EHMT1: variants seen among roughly 807,000 people sequenced by gnomAD.
The protein encoded by EHMT1 is histone-lysine N-methyltransferase EHMT1.
A neutral mutation model predicts 147.2 loss-of-function variants in EHMT1; 15 were observed. That is an observed-to-expected ratio of 0.10 (90% CI 0.07 to 0.16). EHMT1 has a LOEUF of 0.16. Ranked by LOEUF, EHMT1 falls within the 10% of genes least tolerant of loss-of-function variation. The probability of loss-of-function intolerance (pLI) is 1.00; values close to 1 mark genes in which losing one functional copy is unlikely to be tolerated. For synonymous variants in EHMT1, 795 were observed against 709.6 expected (o/e 1.12, Z -1.91); for missense variants, 1,587 against 1,772.4 (o/e 0.90, Z 1.88).
At chr9:137,774,790 G>A (rs1214572178) in intron 10 of EHMT1, among the ~76,000 whole-genome samples, 2 of 147,530 alleles carry the variant, frequency 1.4e-5, no homozygotes, top group Admixed American at 1.3e-4. Flanking sequence ...TCTGGTGGGT[G>A]TGGGCACGCC....
At chr9:137,762,885 G>C in intron 10 of EHMT1, 65 bp downstream of exon 10, 2 of 1,606,812 alleles carry the variant, frequency 1.2e-6, no homozygotes, top group Non-Finnish European at 1.7e-6. Flanking sequence ...AGCCCAGCAG[G>C]GGCCCCGACA....
In EHMT1 at chr9:137,762,924, C is replaced by G; in HGVS notation, c.1647+104C>G. ...CCTCGAGTGAGTTGTGCTGCGTGAC[C>G]AGGGCGGGAGCCTGAGTGGATTCTG... is the stretch of plus-strand genomic sequence containing the variant. On this transcript the variant is annotated intron_variant, in intron 10 of 26. Transcript: ENST00000460843. 10 of 1,505,922 alleles carry G rather than the reference C, an allele frequency of 6.6e-6. No homozygotes were observed. In the Middle Eastern group the frequency reaches 6.8e-4, roughly 102 times the overall value. 93.3% of individuals were successfully genotyped at this position (1,505,922 alleles called of 1,614,324 possible).
intron 21 of EHMT1, 22 bp from the exon 22 acceptor site, chr9:137,814,409 C>A: frequency 6.2e-7 from 1 of 1,611,488 alleles, no homozygotes; most frequent in Non-Finnish European, 8.5e-7. Context: ...CACGTCTGAC[C>A]CCCCGGCGCC....
chr9:137,832,470 C>T (rs1334920829), intron 25 of EHMT1, among the ~76,000 whole-genome samples: 1 of 149,760 alleles, frequency 6.7e-6, no homozygotes, highest in Non-Finnish European at 1.5e-5. Context: ...GGCCCCGCCT[C>T]CCACGCGGCC....
rs752627809 is a variant in EHMT1 at position 137,835,335 on chromosome 9, C to A, written c.*382C>A. 3 of 172,992 alleles carry A rather than the reference C, an allele frequency of 1.7e-5. No homozygotes were observed. Among genetic ancestry groups the A allele is most frequent in the Non-Finnish European group, 3.6e-5 (3 of 83,110 alleles). 10.7% of individuals were successfully genotyped at this position (172,992 alleles called of 1,614,324 possible). A position where few individuals can be genotyped will look rare whatever the true frequency, so the allele number is the denominator to read the frequency against. On this transcript the variant is annotated 3_prime_UTR_variant, in exon 27 of 27. Coordinates refer to ENST00000460843, the MANE Select transcript of EHMT1 (RefSeq NM_024757.5). ...CCACGGGGTTGCTCTGTTCTCCTGT[C>A]CGGCCCAGACTCTTCTGTGTGGCGC...
At position 137,766,806 on chromosome 9, in the gene EHMT1, T is replaced by C. The variant is rs565200246; in HGVS notation, c.1647+3986T>C. Among the ~76,000 whole-genome samples, 7 of 152,260 alleles carry C rather than the reference T, an allele frequency of 4.6e-5. No homozygotes were observed. In the South Asian group the frequency reaches 1.2e-3, roughly 27 times the overall value. On this transcript the variant is annotated intron_variant, in intron 10 of 26. Transcript: ENST00000460843. The stretch of plus-strand genomic sequence containing the variant: ...GTAGACAGCATGTAGTTGGATTTGC[T>C]CTTTTAATAAAGAAAAATTTTGCTT...
intron 9 of EHMT1, among the ~76,000 whole-genome samples, chr9:137,759,472 C>G (rs968856476): frequency 6.6e-6 from 1 of 152,168 alleles, no homozygotes; most frequent in Non-Finnish European, 1.5e-5. Flanking sequence ...TTCCACCTGT[C>G]AGTGTGCGCC....
intron 15 of EHMT1, chr9:137,789,100 G>A (rs546749702): frequency 1.3e-5 from 2 of 152,540 alleles, no homozygotes; most frequent in South Asian, 2.1e-4. Context: ...CTGCTTACCC[G>A]GGTCCTGGGC....
At chr9:137,824,498 T>C (rs1032126758) in intron 25 of EHMT1, among the ~76,000 whole-genome samples, 6 of 152,192 alleles carry the variant, frequency 3.9e-5, no homozygotes, top group African/African-American at 1.4e-4. Context: ...TCCATGTCCT[T>C]TGCATTTCCA....
chr9:137,819,720 G>C (rs1955249383), intron 25 of EHMT1, among the ~76,000 whole-genome samples: 1 of 151,882 alleles, frequency 6.6e-6, no homozygotes, highest in South Asian at 2.1e-4. Flanking sequence ...CGGTGACTGA[G>C]TGAAGCAGCA....
chr9:137,663,059 C>T (rs1003679416), intron 1 of EHMT1, among the ~76,000 whole-genome samples: 1 of 152,222 alleles, frequency 6.6e-6, no homozygotes, highest in Admixed American at 6.5e-5. Flanking sequence ...TCCCAAAGTG[C>T]TGGGAATACA....
intron 15 of EHMT1, chr9:137,784,003 T>C (rs1951763491): frequency 8.7e-6 from 5 of 573,308 alleles, no homozygotes; most frequent in African/African-American, 3.7e-5. Context: ...TAATGTCTTA[T>C]ATTGTAGTTT....
intron 14 of EHMT1, among the ~76,000 whole-genome samples, chr9:137,781,153 T>C (rs76736785): frequency 0.51 from 1,995 of 3,904 alleles, 517 homozygotes; most frequent in Non-Finnish European, 0.55. Flanking sequence ...CGTGTGGTGA[T>C]GACGCTGAGA....
rs2135510557 is a variant in EHMT1 at position 137,717,057 on chromosome 9, G to C, written c.517G>C (p.Ala173Pro). Residue 173 changes from alanine (A) to proline (P), a missense_variant, in exon 3 of 27, where the codon GCC becomes CCC. By Grantham distance (27) the Ala-to-Pro change is conservative. Transcript: ENST00000460843. ...RTPSAFPQTP[A>P]APPATLGEGS... Reference sequence around the variant, plus strand: ...TCCAAGCGCTTTTCCCCAGACGCCAGCCGCCCCACCAGCCACCCTTGGGGA... The same window carrying C: ...TCCAAGCGCTTTTCCCCAGACGCCACCCGCCCCACCAGCCACCCTTGGGGA... 6.2e-7 allele frequency: 1 copy of C among 1,607,304 alleles called. No homozygotes were observed. Among genetic ancestry groups the C allele is most frequent in the Non-Finnish European group, 8.5e-7 (1 of 1,176,144 alleles).
chr9:137,717,141 C>T lies in EHMT1; in HGVS notation c.601C>T (p.His201Tyr), dbSNP rs749050324. ...GGCCCCTGGCGCCGACGTCAAGGTC[C>T]ACAGGGCACGCAAGACCATGCCGAA... is the stretch of plus-strand genomic sequence containing the variant. ...LPAPGADVKV[H>Y]RARKTMPKSV... Residue 201 changes from histidine to tyrosine, a missense_variant, in exon 3 of 27, where the codon CAC (histidine) becomes TAC (tyrosine). This residue lies in a region of EHMT1 where 810 missense variants were observed against 673.0 expected (regional missense o/e 1.20). Transcript: ENST00000460843. 7 of 1,612,538 alleles carry T rather than the reference C, an allele frequency of 4.3e-6. No homozygotes were observed. Among genetic ancestry groups the T allele is most frequent in the Non-Finnish European group, 5.9e-6 (7 of 1,179,974 alleles).
intron 1 of EHMT1, among the ~76,000 whole-genome samples, chr9:137,683,905 G>GT (rs527594601): frequency 9.1e-4 from 138 of 152,070 alleles, no homozygotes; most frequent in Middle Eastern, 3.4e-3. Flanking sequence ...ATTGTGATGA[G>GT]TTTGATGTAT....
At chr9:137,793,008 G>A (rs918001572) in intron 16 of EHMT1, among the ~76,000 whole-genome samples, 8 of 152,158 alleles carry the variant, frequency 5.3e-5, no homozygotes, top group African/African-American at 1.9e-4. Flanking sequence ...GGGGTTTCAT[G>A]CGCGGCAAAG....
At chr9:137,797,733 C>T (rs1446181596) in intron 16 of EHMT1, among the ~76,000 whole-genome samples, 1 of 151,872 alleles carries the variant, frequency 6.6e-6, no homozygotes, top group African/African-American at 2.4e-5. Context: ...GCAGTGATGC[C>T]TGCGAAACTC....
At chr9:137,743,246 T>A in intron 4 of EHMT1, 125 bp from the exon 5 acceptor site, 1 of 1,258,992 alleles carries the variant, frequency 7.9e-7, no homozygotes, top group Non-Finnish European at 1.1e-6. Flanking sequence ...GTGGGCCTGT[T>A]GTGATGGGGT....
Sources: gnomAD v4.1 joint callset for allele counts (sites outside exome capture counted in the v4.1 genomes callset) on GRCh38, gnomAD v4.1.1 for gene constraint, gnomAD v4.1.1 regional missense constraint, MANE v1.5 for transcripts, NCBI Gene and HGNC (gene_info 2026-07-23, HGNC 2026-07-21) for gene names.